The following SMAD2 variants were observed in gnomAD, a reference collection of about 807,000 sequenced individuals.
SMAD2 encodes SMAD family member 2, also known as MAD homolog 2.
SMAD2 carries 8 observed loss-of-function variants against 64.4 expected under a neutral mutation model. That is an observed-to-expected ratio of 0.12 (90% confidence interval 0.07 to 0.22). The LOEUF is 0.22. Among genes scored for constraint, SMAD2 ranks in the 10% least tolerant of loss-of-function variants. The probability of loss-of-function intolerance (pLI) is 1.00; values close to 1 mark genes in which losing one functional copy is unlikely to be tolerated. For missense variants in SMAD2, 289 were observed against 561.2 expected (o/e 0.51, Z 4.90); for synonymous variants, 203 against 195.8 (o/e 1.04, Z -0.31).
Position 47,865,149 on chromosome 18 carries a change from A to G in SMAD2, c.656-16T>C. 1 of 1,499,696 alleles carries G rather than the reference A, an allele frequency of 6.7e-7. No individual in the cohort carries two copies. The highest frequency in any genetic ancestry group is 9.3e-7 in the Non-Finnish European group (1 of 1,076,332). 92.9% of individuals were successfully genotyped at this position (1,499,696 alleles called of 1,614,324 possible). A position where few individuals can be genotyped will look rare whatever the true frequency, so the allele number is the denominator to read the frequency against. On this transcript the variant is annotated splice_polypyrimidine_tract_variant and intron_variant, in intron 5 of 10. Transcript: ENST00000262160. Reference sequence around the variant, plus strand: ...GGTGGCGTTTCTACAAAAGTTTAAAACAAATCAAGCACAGCTGCAACATAA... The same window carrying G: ...GGTGGCGTTTCTACAAAAGTTTAAAGCAAATCAAGCACAGCTGCAACATAA...
intron 1 of SMAD2, among the ~76,000 whole-genome samples, chr18:47,910,217 TC>T (rs1447520271): frequency 6.7e-6 from 1 of 148,402 alleles, no homozygotes; most frequent in African/African-American, 2.5e-5. Context: ...AAGAGATGGA[TC>T]TTTTTAGAGA....
In SMAD2 at chr18:47,834,501, C is replaced by T. The variant is rs974342914; in HGVS notation, c.*7326G>A. The T allele has an allele frequency of 9.8e-6, 2 of 204,428 alleles. No individual in the cohort carries two copies. Among genetic ancestry groups the T allele is most frequent in the Non-Finnish European group, 2.0e-5 (2 of 99,636 alleles). 12.7% of individuals were successfully genotyped at this position (204,428 alleles called of 1,614,324 possible). ...CTGGTCACCCTGAGAACACTACCCA[C>T]TCGTTCCTTAATATCACTAGAGAAA... On this transcript the variant is annotated 3_prime_UTR_variant, in exon 11 of 11. Coordinates refer to ENST00000262160, the MANE Select transcript of SMAD2 (RefSeq NM_005901.6).
chr18:47,881,904 G>T lies in SMAD2; in HGVS notation c.237-11340C>A, dbSNP rs114745781. Among the ~76,000 whole-genome samples, 1,115 of 152,076 alleles carry T rather than the reference G, an allele frequency of 7.3e-3. 11 individuals carry two copies. Among genetic ancestry groups the T allele is most frequent in the African/African-American group, 0.025 (1,029 of 41,442 alleles). On this transcript the variant is annotated intron_variant, in intron 2 of 10. Transcript: ENST00000262160. ...TTGTTTGTTTGTTTTGCCCGACAGGGTCTTGCTCTGTCACCCAAACTGGAG... is the reference window on the plus strand; with the variant it reads ...TTGTTTGTTTGTTTTGCCCGACAGGTTCTTGCTCTGTCACCCAAACTGGAG...
At position 47,837,576 on chromosome 18, in the gene SMAD2, AAAAC is replaced by A. The variant is rs1278075676; in HGVS notation, c.*4247_*4250del. 1.1e-4 allele frequency: 26 copies of A among 227,974 alleles called. No individual in the cohort carries two copies. The highest frequency in any genetic ancestry group is 3.5e-4 in the African/African-American group (16 of 45,178). 14.1% of individuals were successfully genotyped at this position (227,974 alleles called of 1,614,324 possible). A position where few individuals can be genotyped will look rare whatever the true frequency, so the allele number is the denominator to read the frequency against. ...GACTCCCTCTCAAAAAAAAAAAAAA[AAAAC>A]AAAAAACAAGGCTAACAAGAAAGAG... On this transcript the variant is annotated 3_prime_UTR_variant, in exon 11 of 11. Transcript: ENST00000262160.
In SMAD2 at chr18:47,829,133, G is replaced by A. The variant is rs961215701; in HGVS notation, c.*12694C>T. Reference sequence around the variant, plus strand: ...GGAGCCACCAGAGGATGTTAAGGAGGCTTCCTAGAGAAGACGTGGCAATGC... The same window carrying A: ...GGAGCCACCAGAGGATGTTAAGGAGACTTCCTAGAGAAGACGTGGCAATGC... On this transcript the variant is annotated 3_prime_UTR_variant, in exon 11 of 11. Transcript: ENST00000262160. 3 of 152,026 alleles carry A rather than the reference G, an allele frequency of 2.0e-5. No homozygotes were observed. The highest frequency in any genetic ancestry group is 2.0e-4 in the Admixed American group (3 of 15,260). 9.4% of individuals were successfully genotyped at this position (152,026 alleles called of 1,614,324 possible). A position where few individuals can be genotyped will look rare whatever the true frequency, so the allele number is the denominator to read the frequency against.
Position 47,820,894 on chromosome 18 carries a change from T to TACACAC in SMAD2, c.*20932_*20933insGTGTGT, listed in dbSNP as rs1491457689. The TACACAC allele has an allele frequency of 7.8e-5, 8 of 102,974 alleles. No homozygotes were observed. The highest frequency in any genetic ancestry group is 1.2e-4 in the Non-Finnish European group (6 of 50,600). 6.4% of individuals were successfully genotyped at this position (102,974 alleles called of 1,614,324 possible). The stretch of plus-strand genomic sequence containing the variant: ...GATAGTGTAAATGCTATACATGCAC[T>TACACAC]ATACACACACACACACACACACACA... On this transcript the variant is annotated 3_prime_UTR_variant, in exon 11 of 11. Coordinates refer to ENST00000262160, the MANE Select transcript of SMAD2 (RefSeq NM_005901.6).
chr18:47,821,974 T>C lies in SMAD2; in HGVS notation c.*19853A>G, dbSNP rs1912589565. 1 of 152,226 alleles carries C rather than the reference T, an allele frequency of 6.6e-6. No homozygotes were observed. The highest frequency in any genetic ancestry group is 2.4e-5 in the African/African-American group (1 of 41,462). 9.4% of individuals were successfully genotyped at this position (152,226 alleles called of 1,614,324 possible). A position where few individuals can be genotyped will look rare whatever the true frequency, so the allele number is the denominator to read the frequency against. Reference sequence around the variant, plus strand: ...TTGACTTAAAATTACCTTTGAGTTTTCCACTTGGGCCTCTGGAAAGCCTCA... The same window carrying C: ...TTGACTTAAAATTACCTTTGAGTTTCCCACTTGGGCCTCTGGAAAGCCTCA... On this transcript the variant is annotated 3_prime_UTR_variant, in exon 11 of 11. Transcript: ENST00000262160.
chr18:47,876,187 G>T (rs888683268), intron 2 of SMAD2, among the ~76,000 whole-genome samples: 7 of 151,914 alleles, frequency 4.6e-5, no homozygotes, highest in African/African-American at 1.7e-4. Context: ...CAAACACATT[G>T]GCTCAACATT....
intron 1 of SMAD2, chr18:47,922,546 C>G (rs2034604520): frequency 6.6e-6 from 1 of 152,110 alleles, no homozygotes; most frequent in Admixed American, 6.5e-5. Flanking sequence ...AAATTCTACA[C>G]CATTTTATAC....
intron 6 of SMAD2, among the ~76,000 whole-genome samples, chr18:47,860,798 C>T (rs555086760): frequency 7.9e-5 from 12 of 151,924 alleles, no homozygotes; most frequent in South Asian, 2.1e-4. Flanking sequence ...TCTTTATAAA[C>T]GCAGAAAAAA....
chr18:47,911,021 G>A (rs1365791339), intron 1 of SMAD2, among the ~76,000 whole-genome samples: 1 of 152,182 alleles, frequency 6.6e-6, no homozygotes, highest in Non-Finnish European at 1.5e-5. Flanking sequence ...TCCTCAAACT[G>A]AGGATATTCA....
rs1014130954 is a variant in SMAD2 at position 47,823,869 on chromosome 18, G to T, written c.*17958C>A. 4 of 152,132 alleles carry T rather than the reference G, an allele frequency of 2.6e-5. No individual in the cohort carries two copies. The highest frequency in any genetic ancestry group is 9.7e-5 in the African/African-American group (4 of 41,430). 9.4% of individuals were successfully genotyped at this position (152,132 alleles called of 1,614,324 possible). On this transcript the variant is annotated 3_prime_UTR_variant, in exon 11 of 11. Transcript: ENST00000262160. ...TTATTTGCCAAATTTTCTGCAGAAA[G>T]AAGTACAATTCCTAACAGAATAATG...
chr18:47,885,638 G>A (rs1001544679), intron 2 of SMAD2, among the ~76,000 whole-genome samples: 2 of 152,040 alleles, frequency 1.3e-5, no homozygotes, highest in Non-Finnish European at 2.9e-5. Context: ...AAATACTAGA[G>A]GAAAAACTAG....
At chr18:47,868,994 G>A (rs1490255775) in intron 4 of SMAD2, among the ~76,000 whole-genome samples, 2 of 152,140 alleles carry the variant, frequency 1.3e-5, no homozygotes, top group African/African-American at 4.8e-5. Context: ...TGAGCAGACT[G>A]CCAATCTACA....
intron 1 of SMAD2, chr18:47,912,558 T>A (rs2034179444): frequency 6.6e-6 from 1 of 152,330 alleles, no homozygotes; most frequent in Non-Finnish European, 1.5e-5. Context: ...AGTGTACAAG[T>A]AAGAGTGTGT....
intron 6 of SMAD2, among the ~76,000 whole-genome samples, chr18:47,861,592 A>G (rs528397406): frequency 7.2e-5 from 11 of 152,338 alleles, no homozygotes; most frequent in South Asian, 4.1e-4. Context: ...TCTACATCAA[A>G]AACTGTTTAA....
chr18:47,854,649 T>C lies in SMAD2; in HGVS notation c.731-3322A>G, dbSNP rs559690252. ...GCAAATATTCACCCAGGTTTTTTTT[T>C]AAAAAAAATCTGTTATATCTTTTAA... On this transcript the variant is annotated intron_variant, in intron 6 of 10. Transcript: ENST00000262160. Among the ~76,000 whole-genome samples, 45 of 145,254 alleles carry C rather than the reference T, an allele frequency of 3.1e-4. No homozygotes were observed. In the East Asian group the frequency reaches 3.1e-3, roughly 10 times the overall value.
At chr18:47,875,189 T>C (rs1201442500) in intron 2 of SMAD2, among the ~76,000 whole-genome samples, 1 of 152,140 alleles carries the variant, frequency 6.6e-6, no homozygotes, top group Non-Finnish European at 1.5e-5. Context: ...CTTTTAACTT[T>C]ACTACTAATT....
intron 2 of SMAD2, among the ~76,000 whole-genome samples, chr18:47,892,690 A>C (rs1192590669): frequency 1.3e-5 from 2 of 152,106 alleles, no homozygotes; most frequent in East Asian, 3.8e-4. Context: ...GTTTTTTCTA[A>C]TTCATATTAA....
Sources: allele counts gnomAD v4.1 joint callset (sites outside exome capture counted in the v4.1 genomes callset), GRCh38; gene constraint gnomAD v4.1.1; transcripts MANE v1.5; gene names NCBI Gene and HGNC (gene_info 2026-07-23, HGNC 2026-07-21).